MUC5AC: variants seen among roughly 807,000 people sequenced by gnomAD.
MUC5AC encodes mucin-5AC.
Under a neutral mutation model 169.7 loss-of-function variants are expected in MUC5AC, and 158 were observed. The ratio of observed to expected loss-of-function variants is 0.93; its 90% CI spans 0.82 to 1.06. MUC5AC has a LOEUF of 1.06. Among genes scored for constraint, MUC5AC ranks in the 50% least tolerant of loss-of-function variants. The pLI is 0.00. For missense variants in MUC5AC, 4,359 were observed against 3,089.9 expected (o/e 1.41, Z -9.74); for synonymous variants, 1,975 against 1,237.0 (o/e 1.60, Z -12.52).
At chr11:1,170,920 C>CACTCAACTT (rs1860494957) in intron 15 of MUC5AC, among the ~76,000 whole-genome samples, 1 of 136,734 alleles carries the variant, frequency 7.3e-6, no homozygotes. Flanking sequence ...TCACCTCACT[C>CACTCAACTT]ACTCACCCAC....
intron 9 of MUC5AC, among the ~76,000 whole-genome samples, 179 bp from the exon 10 acceptor site, chr11:1,165,123 G>C (rs56074639): frequency 3.9e-5 from 5 of 128,776 alleles, no homozygotes; most frequent in Admixed American, 1.5e-4. Flanking sequence ...CCTGTCCCGG[G>C]CCCCTGAGGC....
chr11:1,196,308 A>T, intron 37 of MUC5AC, 80 bp from the exon 38 acceptor site: 1 of 742,814 alleles, frequency 1.3e-6, no homozygotes, highest in Admixed American at 1.7e-5. Flanking sequence ...GCTCCGGAGC[A>T]GATGTTGGTG....
At chr11:1,158,978 T>G (rs908710501) in intron 1 of MUC5AC, among the ~76,000 whole-genome samples, 1 of 152,148 alleles carries the variant, frequency 6.6e-6, no homozygotes, top group African/African-American at 2.4e-5. Flanking sequence ...CACCCTCATC[T>G]CAGAAGCAGG....
In MUC5AC at chr11:1,186,483, A is replaced by G; in HGVS notation, c.8338A>G (p.Thr2780Ala). 1 of 695,870 alleles carries G rather than the reference A, an allele frequency of 1.4e-6. No homozygotes were observed. The highest frequency in any genetic ancestry group is 2.6e-6 in the Non-Finnish European group (1 of 381,188). The allele number at this position is 695,870 out of a possible 1,614,324, so 43.1% of individuals were successfully genotyped here. A position where few individuals can be genotyped will look rare whatever the true frequency, so the allele number is the denominator to read the frequency against. ...TSTTSATTTSTISAPTTSTTL... is the reference protein window; with the variant it reads ...TSTTSATTTSAISAPTTSTTL... ...CACAACCTCTGCTACTACAACCAGCACAATCTCTGCCCCTACAACCAGCAC... is the reference window on the plus strand; with the variant it reads ...CACAACCTCTGCTACTACAACCAGCGCAATCTCTGCCCCTACAACCAGCAC... The change falls in exon 31 of 49, where the codon ACA becomes GCA. Residue 2780 changes from threonine to alanine, a missense_variant. By Grantham distance (58) the Thr-to-Ala change is moderately conservative. Transcript: ENST00000621226.
intron 11 of MUC5AC, among the ~76,000 whole-genome samples, chr11:1,167,200 C>T (rs1237750479): frequency 6.8e-6 from 1 of 146,426 alleles, no homozygotes; most frequent in Non-Finnish European, 1.5e-5. Flanking sequence ...CGATGAGACC[C>T]TGCACCCAAC....
chr11:1,169,786 G>A (rs1446713774), intron 15 of MUC5AC, among the ~76,000 whole-genome samples: 2 of 64,078 alleles, frequency 3.1e-5, no homozygotes, highest in Admixed American at 1.7e-4. Flanking sequence ...ACCCACTCAC[G>A]CTTTCACCCA....
chr11:1,164,740 T>TG (rs1860257932), intron 9 of MUC5AC, among the ~76,000 whole-genome samples: 1 of 147,230 alleles, frequency 6.8e-6, no homozygotes, highest in Non-Finnish European at 1.5e-5. Context: ...CCTGGGCCCC[T>TG]AAGGCTGGTT....
chr11:1,163,740 C>G, intron 6 of MUC5AC, 142 bp from the exon 7 acceptor site: 1 of 663,118 alleles, frequency 1.5e-6, no homozygotes, highest in Middle Eastern at 3.8e-4. Flanking sequence ...CAGGACAACT[C>G]AGGCATCCAG....
chr11:1,177,946 G>T (rs1377741633), intron 24 of MUC5AC, among the ~76,000 whole-genome samples: 2 of 152,230 alleles, frequency 1.3e-5, no homozygotes, highest in East Asian at 3.9e-4. Context: ...GCTCCTTTTG[G>T]CCCCTTGCAT....
chr11:1,189,484 C>G lies in MUC5AC; in HGVS notation c.11339C>G (p.Thr3780Arg). 1 of 582,560 alleles carries G rather than the reference C, an allele frequency of 1.7e-6. No homozygotes were observed. The highest frequency in any genetic ancestry group is 2.8e-5 in the East Asian group (1 of 36,222). 36.1% of individuals were successfully genotyped at this position (582,560 alleles called of 1,614,324 possible). Reference sequence around the variant, plus strand: ...ACAACCAACACAACCTCTGCCCCTACAACTAGCACTACCTCTGCTCCCATA... The same window carrying G: ...ACAACCAACACAACCTCTGCCCCTAGAACTAGCACTACCTCTGCTCCCATA... ...APTTNTTSAP[T>R]TSTTSAPITS... The change falls in exon 31 of 49, where the codon ACA becomes AGA. Residue 3780 changes from threonine to arginine, a missense_variant. By Grantham distance (71) the Thr-to-Arg change is moderately conservative. Coordinates refer to ENST00000621226, the MANE Select transcript of MUC5AC (RefSeq NM_001304359.2).
rs1254836589 is a variant in MUC5AC at position 1,169,488 on chromosome 11, C to T, written c.1870+462C>T. Among the ~76,000 whole-genome samples the T allele has an allele frequency of 1.2e-4, 13 of 111,566 alleles. 1 individual carries two copies. The East Asian group carries it at 1.4e-3, about 12-fold the overall frequency. 73.2% of individuals were successfully genotyped at this position (111,566 alleles called of 152,430 possible). On this transcript the variant is annotated intron_variant, in intron 15 of 48. Transcript: ENST00000621226. ...CTCACTCACCCACTCACTCACTCAC[C>T]TCACTCACTCACCCATTCACCCATT... is the stretch of plus-strand genomic sequence containing the variant.
At chr11:1,167,802 C>A in intron 11 of MUC5AC, 75 bp from the exon 12 acceptor site, 1 of 1,262,302 alleles carries the variant, frequency 7.9e-7, no homozygotes, top group Non-Finnish European at 1.1e-6. Context: ...GGAGCACAGC[C>A]GGGTGGACTG....
Position 1,191,026 on chromosome 11 carries a change from G to A in MUC5AC, c.12881G>A (p.Gly4294Glu). ...ACAAGCAGCATGACCTCTGGTCCTG[G>A]AACTACTCCCAGCCCTGTTCCCACC... Reference protein sequence around the residue: ...APTSSMTSGPGTTPSPVPTTS... With the variant: ...APTSSMTSGPETTPSPVPTTS... Residue 4294 changes from glycine (G) to glutamate (E), a missense_variant, in exon 31 of 49, where the codon GGA becomes GAA. By Grantham distance (98) the Gly-to-Glu change is moderately conservative. Transcript: ENST00000621226. The A allele has an allele frequency of 1.3e-6, 1 of 748,240 alleles. No individual in the cohort carries two copies. The highest frequency in any genetic ancestry group is 1.8e-5 in the Admixed American group (1 of 56,776). The allele number at this position is 748,240 out of a possible 1,614,324, so 46.4% of individuals were successfully genotyped here.
In MUC5AC at chr11:1,161,566, G is replaced by A. The variant is rs577467238; in HGVS notation, c.191G>A (p.Arg64Lys). 1 of 1,610,302 alleles carries A rather than the reference G, an allele frequency of 6.2e-7. No individual in the cohort carries two copies. Among genetic ancestry groups the A allele is most frequent in the African/African-American group, 1.3e-5 (1 of 75,014 alleles). ...GGGGCGACTGTCTTCCCATCTCTGA[G>A]GACCATCCCTGTGGTACGAGGTGAG... ...LRGATVFPSL[R>K]TIPVVRASNP... is the part of the protein sequence containing the mutation. Residue 64 changes from arginine (R) to lysine (K), a missense_variant, in exon 3 of 49, where the codon AGG becomes AAG. Physicochemically the swap from Arg to Lys is conservative, Grantham distance 26. Coordinates refer to ENST00000621226, the MANE Select transcript of MUC5AC (RefSeq NM_001304359.2).
In MUC5AC at chr11:1,189,130, G is replaced by C. The variant is rs1469952425; in HGVS notation, c.10985G>C (p.Ser3662Thr). ...QKSRTTTLVT[S>T]SITSTTQTST... is the part of the protein sequence containing the mutation. ...TCCAGGACAACCACTTTGGTGACAA[G>C]CAGCATAACCTCCACTACACAGACC... Residue 3662 changes from serine (S) to threonine (T), a missense_variant, in exon 31 of 49, where the codon AGC becomes ACC. By Grantham distance (58) the Ser-to-Thr change is moderately conservative. Transcript: ENST00000621226. 8 of 596,062 alleles carry C rather than the reference G, an allele frequency of 1.3e-5. No individual in the cohort carries two copies. The highest frequency in any genetic ancestry group is 2.8e-5 in the East Asian group (1 of 36,286). The allele number at this position is 596,062 out of a possible 1,614,324, so 36.9% of individuals were successfully genotyped here.
chr11:1,179,474 G>C (rs1321166601), intron 26 of MUC5AC, among the ~76,000 whole-genome samples: 3 of 151,768 alleles, frequency 2.0e-5, no homozygotes, highest in Non-Finnish European at 2.9e-5. Flanking sequence ...AGAGAGGAGG[G>C]CGTGGCTGAC....
intron 2 of MUC5AC, among the ~76,000 whole-genome samples, chr11:1,161,228 C>T (rs1437669274): frequency 6.6e-6 from 1 of 152,190 alleles, no homozygotes; most frequent in African/African-American, 2.4e-5. Context: ...TGTCTTGAGC[C>T]GCTGATGCAG....
Position 1,182,534 on chromosome 11 carries a change from G to A in MUC5AC, c.4389G>A (p.Ser1463=), listed in dbSNP as rs1465880502. ...CCTGTCGTAACAGGGAGCAGGCATC[G>A]GGGCTCTGCTACAACTACCAGATCA... ...GLTCRNREQA[S]GLCYNYQIRV... Residue 1463 remains serine, a synonymous_variant, in exon 31 of 49, where the codon TCG becomes TCA. Transcript: ENST00000621226. The A allele has an allele frequency of 7.5e-6, 3 of 398,544 alleles. No individual in the cohort carries two copies. Among genetic ancestry groups the A allele is most frequent in the Admixed American group, 4.4e-5 (1 of 22,722 alleles). The allele number at this position is 398,544 out of a possible 1,614,324, so 24.7% of individuals were successfully genotyped here.
rs557152814 is a variant in MUC5AC, at chr11:1,163,798, C to T, written c.680-84C>T. The T allele has an allele frequency of 1.1e-4, 119 of 1,109,320 alleles. 2 individuals are homozygous for T. The South Asian group carries it at 1.1e-3, about 10-fold the overall frequency. 68.7% of individuals were successfully genotyped at this position (1,109,320 alleles called of 1,614,324 possible). A position where few individuals can be genotyped will look rare whatever the true frequency, so the allele number is the denominator to read the frequency against. Reference sequence around the variant, plus strand: ...CCCTTCTAACCCCACCCCAGGGACCCGGCCCTGGGGGCTCTGCTGCTCGGG... The same window carrying T: ...CCCTTCTAACCCCACCCCAGGGACCTGGCCCTGGGGGCTCTGCTGCTCGGG... On this transcript the variant is annotated intron_variant, in intron 6 of 48. Transcript: ENST00000621226.
Sources: gnomAD v4.1 joint callset for allele counts (sites outside exome capture counted in the v4.1 genomes callset) on GRCh38, gnomAD v4.1.1 for gene constraint, MANE v1.5 for transcripts, NCBI Gene and HGNC (gene_info 2026-07-23, HGNC 2026-07-21) for gene names.